Variants in PAK1IP1 observed in about 807,000 individuals in gnomAD.
PAK1IP1 encodes PAK1 interacting protein 1.
A neutral mutation model predicts 42.0 loss-of-function variants in PAK1IP1; 24 were observed. The ratio of observed to expected loss-of-function variants is 0.57; its 90% CI spans 0.41 to 0.80. The LOEUF is 0.80. PAK1IP1 is among the 30% of genes least tolerant of loss of function. The pLI is 0.00. For synonymous variants in PAK1IP1, 154 were observed against 156.7 expected, an observed-to-expected ratio of 0.98 and a Z score of 0.13; for missense variants, 411 against 467.9, an observed-to-expected ratio of 0.88 and a Z score of 1.12.
chr6:10,694,035 G>A (rs1393590113), upstream of PAK1IP1, among the ~76,000 whole-genome samples: 2 of 152,144 alleles, frequency 1.3e-5, no homozygotes, highest in African/African-American at 4.8e-5. Context: ...CGAGGCAAGC[G>A]GATCACCTGC....
upstream of PAK1IP1, among the ~76,000 whole-genome samples, chr6:10,691,171 C>T (rs114602825): frequency 5.8e-3 from 878 of 152,292 alleles, 8 homozygotes; most frequent in African/African-American, 0.02. Flanking sequence ...TAATGAGGTA[C>T]GCTTACACTA....
upstream of PAK1IP1, among the ~76,000 whole-genome samples, chr6:10,691,503 T>TA (rs1305921480): frequency 6.6e-6 from 1 of 152,100 alleles, no homozygotes; most frequent in Non-Finnish European, 1.5e-5. Context: ...AATCTACAGA[T>TA]AACATAACCG....
chr6:10,697,143 T>C (rs1769883826), intron 1 of PAK1IP1, among the ~76,000 whole-genome samples, 181 bp from the exon 2 acceptor site: 1 of 152,230 alleles, frequency 6.6e-6, no homozygotes, highest in South Asian at 2.1e-4. Context: ...ACATGTCATT[T>C]TGTAGTTTAA....
chr6:10,697,236 G>T (rs780513821), intron 1 of PAK1IP1, 88 bp from the exon 2 acceptor site: 22 of 1,055,222 alleles, frequency 2.1e-5, no homozygotes, highest in Non-Finnish European at 3.1e-5. Flanking sequence ...CAGATAAATG[G>T]TTCCGTGATT....
At chr6:10,700,181 C>T (rs1017317401) in intron 2 of PAK1IP1, among the ~76,000 whole-genome samples, 3 of 152,044 alleles carry the variant, frequency 2.0e-5, no homozygotes, top group African/African-American at 7.2e-5. Context: ...GCCTCAGCCT[C>T]CCAGGTAGCT....
intron 8 of PAK1IP1, among the ~76,000 whole-genome samples, chr6:10,708,238 G>A (rs1377892841): frequency 2.0e-5 from 3 of 146,372 alleles, no homozygotes; most frequent in Non-Finnish European, 4.5e-5. Context: ...TCTGTTTTTT[G>A]TTTTTATGGA....
In PAK1IP1 at chr6:10,695,023, T is replaced by A. The variant is rs915535382; in HGVS notation, c.38T>A (p.Phe13Tyr). Reference sequence around the variant, plus strand: ...GCTGGTTGCTACGAGCAGGTCCTCTTTGGGTTCGCTGTACACCCGGAGCCC... The same window carrying A: ...GCTGGTTGCTACGAGCAGGTCCTCTATGGGTTCGCTGTACACCCGGAGCCC... ...LVAGCYEQVL[F>Y]GFAVHPEPEA... The change falls in exon 1 of 10, where the codon TTT becomes TAT. Residue 13 changes from phenylalanine to tyrosine, a missense_variant. By Grantham distance (22) the Phe-to-Tyr change is conservative. Coordinates refer to ENST00000379568, the MANE Select transcript of PAK1IP1 (RefSeq NM_017906.3). The A allele has an allele frequency of 1.2e-6, 2 of 1,603,212 alleles. No individual in the cohort carries two copies. Among genetic ancestry groups the A allele is most frequent in the African/African-American group, 2.7e-5 (2 of 74,892 alleles).
chr6:10,701,669 G>A (rs922336225), intron 2 of PAK1IP1, among the ~76,000 whole-genome samples: 1 of 152,188 alleles, frequency 6.6e-6, no homozygotes, highest in East Asian at 1.9e-4. Context: ...GGCTGATTGG[G>A]TAGCTAATTC....
At chr6:10,708,863 A>T in intron 8 of PAK1IP1, 90 bp from the exon 9 acceptor site, 1 of 1,073,280 alleles carries the variant, frequency 9.3e-7, no homozygotes. Flanking sequence ...TACTCAAGAA[A>T]ATACAGGAAG....
At chr6:10,694,607 G>C (rs975601774), upstream of PAK1IP1, 1 of 197,214 alleles carries the variant, frequency 5.1e-6, no homozygotes, top group Non-Finnish European at 1.1e-5. Flanking sequence ...TAAGCAACCG[G>C]CCGGAAGTCG....
upstream of PAK1IP1, chr6:10,694,599 A>T: frequency 2.8e-5 from 5 of 178,260 alleles, no homozygotes; most frequent in South Asian, 3.1e-4. Flanking sequence ...ACAGCCCCTA[A>T]GCAACCGGCC....
At chr6:10,691,790 C>T (rs1002975684), upstream of PAK1IP1, among the ~76,000 whole-genome samples, 2 of 152,096 alleles carry the variant, frequency 1.3e-5, no homozygotes, top group Non-Finnish European at 2.9e-5. Flanking sequence ...TTGTCTAAGT[C>T]CTCTGAGCTC....
upstream of PAK1IP1, chr6:10,694,853 C>T (rs1769731539): frequency 1.5e-6 from 1 of 657,112 alleles, no homozygotes; most frequent in Non-Finnish European, 2.6e-6. Context: ...TTAAAGGCAG[C>T]CCTGGAGCCT....
In PAK1IP1 at chr6:10,706,885, C is replaced by T. The variant is rs1340122177; in HGVS notation, c.741-530C>T. Among the ~76,000 whole-genome samples, 8 of 149,834 alleles carry T rather than the reference C, an allele frequency of 5.3e-5. No individual in the cohort carries two copies. The South Asian group carries it at 1.7e-3, about 32-fold the overall frequency. ...CCAGCCTGGGCGATAGAGCAAGGCT[C>T]CATCTCAAAAAAAAAAAAAAGAAAA... is the stretch of plus-strand genomic sequence containing the variant. On this transcript the variant is annotated intron_variant, in intron 7 of 9. Coordinates refer to ENST00000379568, the MANE Select transcript of PAK1IP1 (RefSeq NM_017906.3).
At chr6:10,703,602 C>T (rs1292311051) in intron 5 of PAK1IP1, 145 bp downstream of exon 5, 3 of 586,688 alleles carry the variant, frequency 5.1e-6, no homozygotes, top group Admixed American at 6.6e-5. Context: ...ACAGTCAGAA[C>T]CTTGTTTCAT....
intron 2 of PAK1IP1, among the ~76,000 whole-genome samples, chr6:10,699,891 G>A (rs1391480220): frequency 3.3e-5 from 5 of 152,162 alleles, no homozygotes; most frequent in African/African-American, 1.2e-4. Context: ...AGGCTGGGAA[G>A]TCTAAGATTA....
chr6:10,691,205 T>C (rs1769264541), upstream of PAK1IP1, among the ~76,000 whole-genome samples: 1 of 152,194 alleles, frequency 6.6e-6, no homozygotes, highest in Admixed American at 6.5e-5. Context: ...AGTACTTAAA[T>C]TGTAGCAGGA....
At chr6:10,702,838 G>C (rs927173663) in intron 4 of PAK1IP1, among the ~76,000 whole-genome samples, 199 bp downstream of exon 4, 1 of 151,586 alleles carries the variant, frequency 6.6e-6, no homozygotes, top group Non-Finnish European at 1.5e-5. Context: ...CTGTCTCCCT[G>C]CTCTGTCGCC....
chr6:10,703,682 T>A (rs1198357595), intron 5 of PAK1IP1, among the ~76,000 whole-genome samples: 1 of 152,248 alleles, frequency 6.6e-6, no homozygotes, highest in African/African-American at 2.4e-5. Context: ...TAGATGAATT[T>A]CATGTTTAGA....
Sources: gnomAD v4.1 joint callset for allele counts (sites outside exome capture counted in the v4.1 genomes callset) on GRCh38, gnomAD v4.1.1 for gene constraint, MANE v1.5 for transcripts, NCBI Gene and HGNC (gene_info 2026-07-23, HGNC 2026-07-21) for gene names.